PROSER1: variants seen among roughly 807,000 people sequenced by gnomAD.
PROSER1 encodes the protein proline and serine rich 1.
In PROSER1, 36 loss-of-function variants were observed where a neutral mutation model predicts 71.8. The ratio of observed to expected loss-of-function variants is 0.50; its 90% CI spans 0.38 to 0.66. PROSER1 has a LOEUF of 0.66. Ranked by LOEUF, PROSER1 falls within the 30% of genes least tolerant of loss-of-function variation. PROSER1 has a pLI of 0.00. For missense variants in PROSER1, 1,107 were observed against 1,135.0 expected, an observed-to-expected ratio of 0.98 and a Z score of 0.35; for synonymous variants, 490 against 452.4, an observed-to-expected ratio of 1.08 and a Z score of -1.06.
intron 7 of PROSER1, 194 bp from the exon 8 acceptor site, chr13:39,023,324 A>C: frequency 1.9e-6 from 1 of 517,338 alleles, no homozygotes; most frequent in Non-Finnish European, 3.5e-6. Flanking sequence ...TTCCAAATGC[A>C]GATCTTGCCA....
rs767350682 is a variant in PROSER1 at position 39,010,299 on chromosome 13, A to G, written c.*1066T>C. On this transcript the variant is annotated 3_prime_UTR_variant, in exon 13 of 13. Transcript: ENST00000352251. ...ATCTTTATAAAAGTAAAACTTCTAG[A>G]TCCTGAAATGTACTACAGTAGAGTC... 27 of 152,784 alleles carry G rather than the reference A, an allele frequency of 1.8e-4. No homozygotes were observed. The highest frequency in any genetic ancestry group is 5.9e-4 in the Admixed American group (9 of 15,302). 9.5% of individuals were successfully genotyped at this position (152,784 alleles called of 1,614,324 possible). A position where few individuals can be genotyped will look rare whatever the true frequency, so the allele number is the denominator to read the frequency against.
intron 9 of PROSER1, among the ~76,000 whole-genome samples, chr13:39,021,850 A>T (rs1870306424): frequency 6.6e-6 from 1 of 152,196 alleles, no homozygotes; most frequent in Non-Finnish European, 1.5e-5. Flanking sequence ...CACAGCACTG[A>T]TCATTCCAAC....
At chr13:39,015,549 G>A (rs901593353) in intron 10 of PROSER1, among the ~76,000 whole-genome samples, 1 of 152,006 alleles carries the variant, frequency 6.6e-6, no homozygotes, top group Non-Finnish European at 1.5e-5. Flanking sequence ...AAGCTGACAC[G>A]GTCAACGAAT....
intron 7 of PROSER1, 60 bp downstream of exon 7, chr13:39,024,413 T>C (rs1870443466): frequency 8.0e-7 from 1 of 1,256,814 alleles, no homozygotes; most frequent in African/African-American, 1.5e-5. Context: ...ATGCTTTGAG[T>C]AAAAAGGAAA....
intron 3 of PROSER1, 67 bp downstream of exon 3, chr13:39,031,496 T>A: frequency 8.7e-7 from 1 of 1,146,150 alleles, no homozygotes; most frequent in Non-Finnish European, 1.3e-6. Context: ...TGAAATAAAT[T>A]ACACACAACT....
At chr13:39,020,086 A>AC (rs1167934672) in intron 9 of PROSER1, among the ~76,000 whole-genome samples, 1 of 151,638 alleles carries the variant, frequency 6.6e-6, no homozygotes, top group African/African-American at 2.4e-5. Flanking sequence ...CTTAAAAAAA[A>AC]AAAAAAACTA....
intron 2 of PROSER1, 165 bp from the exon 3 acceptor site, chr13:39,031,796 T>C: frequency 3.6e-6 from 2 of 560,840 alleles, no homozygotes; most frequent in Non-Finnish European, 6.4e-6. Flanking sequence ...TATATAGTTA[T>C]ATACATTTAA....
Position 39,017,515 on chromosome 13 carries a change from G to A in PROSER1, c.760C>T (p.Pro254Ser), listed in dbSNP as rs1434367338. Residue 254 changes from proline to serine, a missense_variant, in exon 10 of 13, where the codon CCT becomes TCT. Coordinates refer to ENST00000352251, the MANE Select transcript of PROSER1 (RefSeq NM_025138.5). ...ENEDLSNPSK[P>S]IQNQTFSTPA... ...TGCTACTTACTTTGATTCTGTATAG[G>A]TTTTGACGGATTCGAAAGGTCTTCA... 1.9e-6 allele frequency: 3 copies of A among 1,545,932 alleles called. No homozygotes were observed. The highest frequency in any genetic ancestry group is 2.7e-6 in the Non-Finnish European group (3 of 1,127,556).
intron 10 of PROSER1, among the ~76,000 whole-genome samples, chr13:39,016,869 G>A (rs1301095136): frequency 6.6e-6 from 1 of 152,156 alleles, no homozygotes; most frequent in African/African-American, 2.4e-5. Flanking sequence ...ACAATGGTCA[G>A]GCTATTGTGC....
In PROSER1 at chr13:39,012,147, G is replaced by A. The variant is rs777596883; in HGVS notation, c.2648C>T (p.Pro883Leu). 8 of 1,614,080 alleles carry A rather than the reference G, an allele frequency of 5.0e-6. No homozygotes were observed. In the East Asian group the frequency reaches 1.1e-4, roughly 22 times the overall value. The change falls in exon 12 of 13, where the codon CCT becomes CTT. Residue 883 changes from proline (P) to leucine (L), a missense_variant. Physicochemically the swap from Pro to Leu is moderately conservative, Grantham distance 98. Coordinates refer to ENST00000352251, the MANE Select transcript of PROSER1 (RefSeq NM_025138.5). Reference protein sequence around the residue: ...LPGIPGFPQNPSQSSLQELQH... With the variant: ...LPGIPGFPQNLSQSSLQELQH... Reference sequence around the variant, plus strand: ...TAATTCTTGCAAGGATGATTGTGAAGGATTCTGAGGAAACCCAGGGATACC... The same window carrying A: ...TAATTCTTGCAAGGATGATTGTGAAAGATTCTGAGGAAACCCAGGGATACC...
chr13:39,028,577 ATAC>A (rs2138127413), intron 4 of PROSER1, among the ~76,000 whole-genome samples: 1 of 152,316 alleles, frequency 6.6e-6, no homozygotes, highest in East Asian at 1.9e-4. Flanking sequence ...TTTTCAAAAT[ATAC>A]TTTCTTCAGT....
At chr13:39,017,895 G>A (rs1361630213) in intron 9 of PROSER1, 5 of 198,502 alleles carry the variant, frequency 2.5e-5, no homozygotes, top group South Asian at 9.2e-5. Flanking sequence ...TGGCCTGAGG[G>A]TGCCATCCAG....
chr13:39,012,420 A>G, intron 11 of PROSER1, 187 bp from the exon 12 acceptor site: 1 of 687,392 alleles, frequency 1.5e-6, no homozygotes, highest in Non-Finnish European at 2.5e-6. Context: ...GAAGTATATT[A>G]TTCGAAATTC....
intron 4 of PROSER1, among the ~76,000 whole-genome samples, chr13:39,028,528 A>C (rs556121977): frequency 1.3e-5 from 2 of 152,178 alleles, no homozygotes; most frequent in Non-Finnish European, 2.9e-5. Flanking sequence ...CTGAAAAGTA[A>C]AACAGTAATA....
chr13:39,031,707 AT>A (rs1870853628), intron 2 of PROSER1, 76 bp from the exon 3 acceptor site: 1 of 1,331,676 alleles, frequency 7.5e-7, no homozygotes, highest in South Asian at 1.2e-5. Flanking sequence ...ACTTGAAATT[AT>A]AATTCGACAC....
At chr13:39,024,903 A>G (rs1870472985) in intron 6 of PROSER1, among the ~76,000 whole-genome samples, 1 of 152,198 alleles carries the variant, frequency 6.6e-6, no homozygotes, top group African/African-American at 2.4e-5. Context: ...ATAAAACAGC[A>G]TAGTATTTGC....
chr13:39,013,865 C>A lies in PROSER1; in HGVS notation c.1387G>T (p.Gly463Cys). 2 of 1,614,130 alleles carry A rather than the reference C, an allele frequency of 1.2e-6. No individual in the cohort carries two copies. The highest frequency in any genetic ancestry group is 1.7e-6 in the Non-Finnish European group (2 of 1,180,012). Residue 463 changes from glycine (G) to cysteine (C), a missense_variant, in exon 11 of 13, where the codon GGT becomes TGT. Transcript: ENST00000352251. ...GSTPSVAGPL[G>C]VNSPLLSALK... ...GCAGACAAAAGAGGACTGTTCACAC[C>A]AAGTGGACCGGCAACGCTGGGAGTA...
chr13:39,029,710 A>C (rs1454019924), intron 3 of PROSER1, among the ~76,000 whole-genome samples: 1 of 152,204 alleles, frequency 6.6e-6, no homozygotes, highest in African/African-American at 2.4e-5. Flanking sequence ...ACTCATACAC[A>C]TGGGAGATTA....
At chr13:39,022,593 A>C in intron 8 of PROSER1, 181 bp from the exon 9 acceptor site, 1 of 525,538 alleles carries the variant, frequency 1.9e-6, no homozygotes, top group East Asian at 3.0e-5. Flanking sequence ...AACTGACACC[A>C]AATGAAACAA....
Sources: allele counts gnomAD v4.1 joint callset (sites outside exome capture counted in the v4.1 genomes callset), GRCh38; gene constraint gnomAD v4.1.1; transcripts MANE v1.5; gene names NCBI Gene and HGNC (gene_info 2026-07-23, HGNC 2026-07-21).